Variants in RNF149 observed in about 807,000 individuals in gnomAD.
RNF149 encodes the protein ring finger protein 149, also known as E3 ubiquitin-protein ligase RNF149.
In RNF149, 21 loss-of-function variants were observed where a neutral mutation model predicts 39.0. The ratio of observed to expected loss-of-function variants is 0.54; its 90% CI spans 0.38 to 0.77. The LOEUF (loss-of-function observed/expected upper bound fraction) is 0.77. Ranked by LOEUF, RNF149 falls within the 30% of genes least tolerant of loss-of-function variation. The pLI, the probability that RNF149 is intolerant of heterozygous loss-of-function variation, is 0.00. For missense variants in RNF149, 493 were observed against 534.9 expected (o/e 0.92, Z 0.77); for synonymous variants, 209 against 213.6 (o/e 0.98, Z 0.19).
intron 1 of RNF149, 82 bp from the exon 2 acceptor site, chr2:101,295,263 G>T: frequency 2.5e-6 from 3 of 1,186,746 alleles, no homozygotes; most frequent in Non-Finnish European, 2.4e-6. Flanking sequence ...AGGGTACTAT[G>T]TTCATCTACA....
intron 1 of RNF149, 95 bp from the exon 2 acceptor site, chr2:101,295,276 T>C (rs560316650): frequency 4.4e-5 from 45 of 1,030,764 alleles, no homozygotes; most frequent in Non-Finnish European, 6.0e-5. Flanking sequence ...CATCTACATA[T>C]ATAAATACAT....
In RNF149 at chr2:101,276,932, C is replaced by T; in HGVS notation, c.*306G>A. The T allele has an allele frequency of 9.2e-7, 1 of 1,083,438 alleles. No homozygotes were observed. The highest frequency in any genetic ancestry group is 1.7e-5 in the African/African-American group (1 of 59,572). 67.1% of individuals were successfully genotyped at this position (1,083,438 alleles called of 1,614,324 possible). A position where few individuals can be genotyped will look rare whatever the true frequency, so the allele number is the denominator to read the frequency against. ...CTGGTTTTTACAGAACCATAGCAGC[C>T]AATTATTTAGAAACACCACCTGTCC... On this transcript the variant is annotated 3_prime_UTR_variant, in exon 7 of 7. Transcript: ENST00000295317.
chr2:101,307,811 C>T, intron 1 of RNF149: 1 of 984,928 alleles, frequency 1.0e-6, no homozygotes, highest in Non-Finnish European at 1.2e-6. Flanking sequence ...GAAAAGAGGC[C>T]CATGATTAGG....
chr2:101,276,983 T>C lies in RNF149; in HGVS notation c.*255A>G, dbSNP rs1682368390. The C allele has an allele frequency of 8.4e-7, 1 of 1,197,368 alleles. No homozygotes were observed. The allele number at this position is 1,197,368 out of a possible 1,614,324, so 74.2% of individuals were successfully genotyped here. Reference sequence around the variant, plus strand: ...TTTATATTAGAGTACCTGCCCCAGTTGTCTTTGTAATAGTCTGAAGCAACA... The same window carrying C: ...TTTATATTAGAGTACCTGCCCCAGTCGTCTTTGTAATAGTCTGAAGCAACA... On this transcript the variant is annotated 3_prime_UTR_variant, in exon 7 of 7. Coordinates refer to ENST00000295317, the MANE Select transcript of RNF149 (RefSeq NM_173647.4).
chr2:101,287,016 G>A (rs1682819887), intron 4 of RNF149, among the ~76,000 whole-genome samples: 2 of 152,176 alleles, frequency 1.3e-5, no homozygotes, highest in Non-Finnish European at 2.9e-5. Context: ...ATCTGCTAGT[G>A]GAGTTAAAAG....
chr2:101,280,833 A>G (rs12612035), intron 6 of RNF149, among the ~76,000 whole-genome samples: 57,452 of 152,100 alleles, frequency 0.38, 11,649 homozygotes, highest in East Asian at 0.52. Context: ...AAAAAATGCA[A>G]TGAGTCTAGA....
At chr2:101,290,708 AAT>A (rs1682974635) in intron 3 of RNF149, among the ~76,000 whole-genome samples, 1 of 152,242 alleles carries the variant, frequency 6.6e-6, no homozygotes, top group Non-Finnish European at 1.5e-5. Flanking sequence ...AAGAATGACA[AAT>A]TAGAGTAAGT....
In RNF149 at chr2:101,276,175, T is replaced by G; in HGVS notation, c.*1063A>C. On this transcript the variant is annotated 3_prime_UTR_variant, in exon 7 of 7. Coordinates refer to ENST00000295317, the MANE Select transcript of RNF149 (RefSeq NM_173647.4). ...AAGGAAAGACTATAATTCCACACTC[T>G]AAAAAATAACTGCCTCATACTCGAC... is the stretch of plus-strand genomic sequence containing the variant. The G allele has an allele frequency of 1.2e-5, 12 of 981,224 alleles. No individual in the cohort carries two copies. The highest frequency in any genetic ancestry group is 1.5e-5 in the Non-Finnish European group (12 of 826,170). The allele number at this position is 981,224 out of a possible 1,614,324, so 60.8% of individuals were successfully genotyped here.
chr2:101,276,529 T>C lies in RNF149; in HGVS notation c.*709A>G. The C allele has an allele frequency of 3.0e-6, 3 of 985,816 alleles. No homozygotes were observed. The highest frequency in any genetic ancestry group is 1.1e-4 in the East Asian group (1 of 8,822). 61.1% of individuals were successfully genotyped at this position (985,816 alleles called of 1,614,324 possible). A position where few individuals can be genotyped will look rare whatever the true frequency, so the allele number is the denominator to read the frequency against. ...CTTAACAAGGCAATGAAGAACTTAATGCTCATGTGCGATATAGAATCTTAG... is the reference window on the plus strand; with the variant it reads ...CTTAACAAGGCAATGAAGAACTTAACGCTCATGTGCGATATAGAATCTTAG... On this transcript the variant is annotated 3_prime_UTR_variant, in exon 7 of 7. Coordinates refer to ENST00000295317, the MANE Select transcript of RNF149 (RefSeq NM_173647.4).
chr2:101,280,258 AGAT>A (rs1430984982), intron 6 of RNF149, among the ~76,000 whole-genome samples: 3 of 152,012 alleles, frequency 2.0e-5, no homozygotes, highest in Admixed American at 2.0e-4. Flanking sequence ...AGAAGAATAA[AGAT>A]GAAGGAAATT....
chr2:101,272,860 T>C (rs1034501257), downstream of RNF149: 1 of 991,910 alleles, frequency 1.0e-6, no homozygotes, highest in South Asian at 1.3e-5. Flanking sequence ...GAAGGTCTAT[T>C]ATTATTTTTA....
At chr2:101,300,024 C>G (rs753663535) in intron 1 of RNF149, among the ~76,000 whole-genome samples, 3 of 152,226 alleles carry the variant, frequency 2.0e-5, no homozygotes, top group Non-Finnish European at 4.4e-5. Context: ...AATGCTTCTG[C>G]AGCTACAAAA....
intron 1 of RNF149, among the ~76,000 whole-genome samples, chr2:101,301,898 T>C (rs1365195519): frequency 6.6e-6 from 1 of 152,228 alleles, no homozygotes; most frequent in African/African-American, 2.4e-5. Context: ...TACTGAAATA[T>C]TTAAAGTAGT....
downstream of RNF149, chr2:101,273,256 C>T (rs545588117): frequency 1.7e-6 from 1 of 588,526 alleles, no homozygotes; most frequent in Non-Finnish European, 3.0e-6. Flanking sequence ...GAGAGCAGCA[C>T]AGTCACGGAC....
intron 6 of RNF149, among the ~76,000 whole-genome samples, chr2:101,278,366 C>G (rs560968139): frequency 4.1e-4 from 63 of 152,274 alleles, no homozygotes; most frequent in African/African-American, 1.5e-3. Context: ...AGACTGGCCT[C>G]ATGCGATGCA....
At chr2:101,305,229 C>G (rs1314141285) in intron 1 of RNF149, among the ~76,000 whole-genome samples, 1 of 152,134 alleles carries the variant, frequency 6.6e-6, no homozygotes, top group African/African-American at 2.4e-5. Flanking sequence ...AATCAGTGGT[C>G]TTTCCTGGCT....
Position 101,286,184 on chromosome 2 carries a change from A to T in RNF149, c.864-7T>A. On this transcript the variant is annotated splice_polypyrimidine_tract_variant and splice_region_variant and intron_variant, in intron 4 of 6. Transcript: ENST00000295317. ...TATTCTATGAAAAATATGCCTAAAA[A>T]GATTAAGTATGTGTTAATGTTTTTA... 1 of 1,511,364 alleles carries T rather than the reference A, an allele frequency of 6.6e-7. No individual in the cohort carries two copies. The highest frequency in any genetic ancestry group is 1.4e-5 in the African/African-American group (1 of 73,034). 93.6% of individuals were successfully genotyped at this position (1,511,364 alleles called of 1,614,324 possible). A position where few individuals can be genotyped will look rare whatever the true frequency, so the allele number is the denominator to read the frequency against.
Position 101,308,161 on chromosome 2 carries a change from T to C in RNF149, c.428A>G (p.Tyr143Cys), listed in dbSNP as rs757551305. 7 of 1,610,140 alleles carry C rather than the reference T, an allele frequency of 4.3e-6. No individual in the cohort carries two copies. Among genetic ancestry groups the C allele is most frequent in the African/African-American group, 1.3e-5 (1 of 74,474 alleles). Residue 143 changes from tyrosine (Y) to cysteine (C), a missense_variant, in exon 1 of 7, where the codon TAC becomes TGC. Physicochemically the swap from Tyr to Cys is radical, Grantham distance 194. Transcript: ENST00000295317. ...AGACATGGGCAAGGTGATGTTCCCG[T>C]AGCGCTCCTCATTGTAGAGGACGAC... is the stretch of plus-strand genomic sequence containing the variant. The part of the protein sequence containing the change: ...SAVVLYNEER[Y>C]GNITLPMSHA...
intron 1 of RNF149, among the ~76,000 whole-genome samples, chr2:101,296,021 G>C (rs2104420200): frequency 6.6e-6 from 1 of 151,936 alleles, no homozygotes. Context: ...GGGAGGCTGA[G>C]GCAGAAGAAT....
Sources: allele counts gnomAD v4.1 joint callset (sites outside exome capture counted in the v4.1 genomes callset), GRCh38; gene constraint gnomAD v4.1.1; transcripts MANE v1.5; gene names NCBI Gene and HGNC (gene_info 2026-07-23, HGNC 2026-07-21).